The following RUFY3 variants were observed in gnomAD, a reference collection of about 807,000 sequenced individuals.
The protein encoded by RUFY3 is RUN and FYVE domain containing 3.
Under a neutral mutation model 84.0 loss-of-function variants are expected in RUFY3, and 34 were observed. The observed-to-expected ratio is 0.40, with a 90% CI of 0.31 to 0.54. The LOEUF (loss-of-function observed/expected upper bound fraction) is 0.54, where lower values mean the gene tolerates loss of function less well. Ranked by LOEUF, RUFY3 falls within the 20% of genes least tolerant of loss-of-function variation. The pLI, the probability that RUFY3 is intolerant of heterozygous loss-of-function variation, is 0.39. For synonymous variants in RUFY3, 242 were observed against 252.9 expected (o/e 0.96, Z 0.41); for missense variants, 507 against 736.8 (o/e 0.69, Z 3.61).
chr4:70,739,169 A>T (rs1262233057), intron 1 of RUFY3, among the ~76,000 whole-genome samples: 2 of 151,286 alleles, frequency 1.3e-5, no homozygotes, highest in Non-Finnish European at 2.9e-5. Context: ...CAAAGCATTT[A>T]TGAAAATTAA....
chr4:70,791,233 A>T (rs1452074607), intron 12 of RUFY3: 1 of 1,612,704 alleles, frequency 6.2e-7, no homozygotes, highest in African/African-American at 1.3e-5. Flanking sequence ...AGTGAAAAGG[A>T]TTTGGTGAAA....
At chr4:70,727,353 A>ATTTT (rs1718429093) in intron 1 of RUFY3, among the ~76,000 whole-genome samples, 3 of 132,094 alleles carry the variant, frequency 2.3e-5, no homozygotes, top group African/African-American at 6.7e-5. Flanking sequence ...GAAAGTAATA[A>ATTTT]CTTTTTTTTT....
At chr4:70,717,461 A>T (rs112626890), upstream of RUFY3, among the ~76,000 whole-genome samples, 559 of 152,290 alleles carry the variant, frequency 3.7e-3, 5 homozygotes, top group African/African-American at 0.013. Context: ...TGGGGGGCCT[A>T]GAGGAAGGTA....
At chr4:70,787,821 A>G (rs2148790896) in intron 10 of RUFY3, among the ~76,000 whole-genome samples, 1 of 152,274 alleles carries the variant, frequency 6.6e-6, no homozygotes, top group Admixed American at 6.5e-5. Flanking sequence ...TCACAGTAAG[A>G]CAAATGTTTG....
chr4:70,759,125 A>G (rs1390967252), intron 1 of RUFY3, among the ~76,000 whole-genome samples: 2 of 152,012 alleles, frequency 1.3e-5, no homozygotes, highest in African/African-American at 2.4e-5. Context: ...GTAGCTTTGC[A>G]TCTGTTAACC....
At chr4:70,712,779 C>T (rs1262125710) in intron 1 of RUFY3, among the ~76,000 whole-genome samples, 1 of 152,082 alleles carries the variant, frequency 6.6e-6, no homozygotes, top group Admixed American at 6.6e-5. Context: ...ATGGGCTGCC[C>T]CTTTATCATT....
At position 70,807,330 on chromosome 4, in the gene RUFY3, C is replaced by T. The variant is rs1011480496; in HGVS notation, c.*671C>T. The T allele has an allele frequency of 6.6e-6, 1 of 152,142 alleles. No homozygotes were observed. The highest frequency in any genetic ancestry group is 1.9e-4 in the East Asian group (1 of 5,200). The allele number at this position is 152,142 out of a possible 1,614,324, so 9.4% of individuals were successfully genotyped here. On this transcript the variant is annotated 3_prime_UTR_variant, in exon 18 of 18. Transcript: ENST00000381006. The stretch of plus-strand genomic sequence containing the variant: ...ATCAAAAAAAAGAACATTTGTTTTT[C>T]TACTTTATGACTTCAAAGTAAATAA...
rs1367256933 is a variant in RUFY3 at position 70,760,552 on chromosome 4, C to CTG, written c.179-1966_179-1965insGT. Among the ~76,000 whole-genome samples, 596 of 149,098 alleles carry CTG rather than the reference C, an allele frequency of 4.0e-3. 4 individuals are homozygous for CTG. The highest frequency in any genetic ancestry group is 0.014 in the African/African-American group (568 of 40,072). ...ACATATTCATACCCACACCCCAGCTCTATTTTTTTTTTTTGAGTAATTATA... is the reference window on the plus strand; with the variant it reads ...ACATATTCATACCCACACCCCAGCTCTGTATTTTTTTTTTTTGAGTAATTATA... On this transcript the variant is annotated intron_variant, in intron 1 of 17. Coordinates refer to ENST00000381006, the MANE Select transcript of RUFY3 (RefSeq NM_001037442.4).
intron 6 of RUFY3, among the ~76,000 whole-genome samples, chr4:70,774,904 A>G (rs940244098): frequency 3.3e-5 from 5 of 151,928 alleles, no homozygotes; most frequent in Non-Finnish European, 7.4e-5. Context: ...TTGCAACATC[A>G]TACCTGTGAC....
intron 1 of RUFY3, among the ~76,000 whole-genome samples, chr4:70,760,655 G>A (rs1724866712): frequency 6.6e-6 from 1 of 151,966 alleles, no homozygotes; most frequent in South Asian, 2.1e-4. Flanking sequence ...CTTCATGGCT[G>A]TCTTTCAGGG....
At chr4:70,745,207 G>T in intron 1 of RUFY3, among the ~76,000 whole-genome samples, 1 of 152,202 alleles carries the variant, frequency 6.6e-6, no homozygotes, top group East Asian at 1.9e-4. Flanking sequence ...GCCTCCCAAA[G>T]TGCTGGGATT....
intron 5 of RUFY3, among the ~76,000 whole-genome samples, chr4:70,769,275 A>G (rs553991818): frequency 6.6e-6 from 1 of 152,176 alleles, no homozygotes; most frequent in Admixed American, 6.5e-5. Flanking sequence ...ATAGTTAGCC[A>G]TAATTGTGCA....
At chr4:70,741,885 C>G (rs7663248) in intron 1 of RUFY3, among the ~76,000 whole-genome samples, 1 of 152,122 alleles carries the variant, frequency 6.6e-6, no homozygotes, top group Non-Finnish European at 1.5e-5. Flanking sequence ...TGCTGAATAA[C>G]GTGTTTAAAA....
chr4:70,748,358 T>C (rs1722570842), intron 1 of RUFY3, among the ~76,000 whole-genome samples: 1 of 152,212 alleles, frequency 6.6e-6, no homozygotes, highest in Non-Finnish European at 1.5e-5. Context: ...GTCCTTCATG[T>C]GTTCTGTGAT....
intron 1 of RUFY3, among the ~76,000 whole-genome samples, chr4:70,751,385 G>A (rs1280428986): frequency 6.6e-6 from 1 of 152,182 alleles, no homozygotes; most frequent in Non-Finnish European, 1.5e-5. Flanking sequence ...ACTCCTACAA[G>A]CAAGGCACAA....
intron 1 of RUFY3, among the ~76,000 whole-genome samples, chr4:70,748,983 G>C (rs1388602020): frequency 1.3e-5 from 2 of 152,120 alleles, no homozygotes. Flanking sequence ...ACATCACTCA[G>C]GGAATATGAG....
chr4:70,776,238 G>A (rs1034087509), intron 7 of RUFY3, among the ~76,000 whole-genome samples: 6 of 152,060 alleles, frequency 3.9e-5, no homozygotes, highest in Non-Finnish European at 8.8e-5. Flanking sequence ...GGCAAGGTAG[G>A]AGATTAGCAA....
chr4:70,722,368 A>G lies in RUFY3; in HGVS notation c.-206A>G. ...GGAACTGTCTATAAGATAGTGTAGA[A>G]TTGTTTATCTTGAGCAGTTTGTTCT... On this transcript the variant is annotated 5_prime_UTR_variant, in exon 1 of 18. Coordinates refer to ENST00000381006, the MANE Select transcript of RUFY3 (RefSeq NM_001037442.4). The G allele has an allele frequency of 3.0e-6, 4 of 1,315,010 alleles. No individual in the cohort carries two copies. The highest frequency in any genetic ancestry group is 3.9e-6 in the Non-Finnish European group (4 of 1,032,078). 81.5% of individuals were successfully genotyped at this position (1,315,010 alleles called of 1,614,324 possible).
intron 1 of RUFY3, among the ~76,000 whole-genome samples, chr4:70,749,329 T>C (rs1446826562): frequency 6.6e-6 from 1 of 152,154 alleles, no homozygotes; most frequent in African/African-American, 2.4e-5. Flanking sequence ...ATTGATTATA[T>C]TATGATATGG....
Sources: gnomAD v4.1 joint callset for allele counts (sites outside exome capture counted in the v4.1 genomes callset) on GRCh38, gnomAD v4.1.1 for gene constraint, MANE v1.5 for transcripts, NCBI Gene and HGNC (gene_info 2026-07-23, HGNC 2026-07-21) for gene names.